Variants in METTL15 observed in about 807,000 individuals in gnomAD.
METTL15 encodes the protein 12S rRNA N(4)-cytidine methyltransferase METTL15.
In METTL15, 34 loss-of-function variants were observed where a neutral mutation model predicts 38.3. The observed-to-expected ratio is 0.89, with a 90% CI of 0.68 to 1.18. The LOEUF (loss-of-function observed/expected upper bound fraction) is 1.18. Ranked by LOEUF, METTL15 falls within the 50% of genes most tolerant of loss-of-function variation. The probability of loss-of-function intolerance (pLI) is 0.00; values close to 1 mark genes in which losing one functional copy is unlikely to be tolerated. For missense variants in METTL15, 438 were observed against 498.4 expected (o/e 0.88, Z 1.15); for synonymous variants, 162 against 170.9 (o/e 0.95, Z 0.41).
intron 4 of METTL15, among the ~76,000 whole-genome samples, chr11:28,265,319 A>G (rs1855369329): frequency 6.6e-6 from 1 of 151,590 alleles, no homozygotes. Flanking sequence ...TAAACTGGTA[A>G]TCTATAGAAT....
chr11:28,489,433 G>A (rs1045715011), intron 6 of METTL15, among the ~76,000 whole-genome samples: 2 of 152,110 alleles, frequency 1.3e-5, no homozygotes, highest in Non-Finnish European at 2.9e-5. Flanking sequence ...ACCTGTTATC[G>A]ACAGGACATG....
At chr11:28,137,800 T>TC (rs768477664) in intron 3 of METTL15, among the ~76,000 whole-genome samples, 25 of 151,838 alleles carry the variant, frequency 1.6e-4, no homozygotes, top group East Asian at 7.8e-4. Context: ...TTTTTTTTTT[T>TC]CAAAAAATAT....
At chr11:28,381,549 A>C (rs988780458) in intron 5 of METTL15, among the ~76,000 whole-genome samples, 12 of 151,634 alleles carry the variant, frequency 7.9e-5, no homozygotes, top group Admixed American at 2.6e-4. Flanking sequence ...CTTCTTTTTC[A>C]TTCTTTTTTC....
At chr11:28,376,799 G>A (rs1019448428) in intron 5 of METTL15, among the ~76,000 whole-genome samples, 164 of 149,426 alleles carry the variant, frequency 1.1e-3, no homozygotes, top group African/African-American at 2.0e-3. Flanking sequence ...GGCTGGTACC[G>A]GTTGTTCCTT....
intron 6 of METTL15, among the ~76,000 whole-genome samples, chr11:28,438,315 T>A (rs927367854): frequency 6.6e-6 from 1 of 152,228 alleles, no homozygotes; most frequent in Admixed American, 6.5e-5. Context: ...GCATATGGGC[T>A]GTTAGAGTCT....
chr11:28,232,282 A>G (rs1853718607), intron 4 of METTL15, among the ~76,000 whole-genome samples: 1 of 151,896 alleles, frequency 6.6e-6, no homozygotes, highest in African/African-American at 2.4e-5. Context: ...TTTACTATGG[A>G]GAAAATAGTT....
intron 3 of METTL15, among the ~76,000 whole-genome samples, chr11:28,348,430 C>G (rs1043849022): frequency 2.6e-5 from 4 of 152,172 alleles, no homozygotes; most frequent in African/African-American, 9.7e-5. Flanking sequence ...TACAGTGGTG[C>G]AATCATGGCT....
chr11:28,506,943 C>G (rs1260493202), intron 6 of METTL15, among the ~76,000 whole-genome samples: 1 of 151,966 alleles, frequency 6.6e-6, no homozygotes, highest in African/African-American at 2.4e-5. Flanking sequence ...TGGGGTTTCA[C>G]TATGTTAGAC....
intron 4 of METTL15, among the ~76,000 whole-genome samples, chr11:28,237,022 G>T (rs1306537841): frequency 1.3e-5 from 2 of 152,140 alleles, no homozygotes; most frequent in South Asian, 4.2e-4. Flanking sequence ...TTTCTCTGTG[G>T]CTGCCCTTAT....
At chr11:28,150,303 C>G (rs2133684545) in intron 3 of METTL15, among the ~76,000 whole-genome samples, 1 of 151,776 alleles carries the variant, frequency 6.6e-6, no homozygotes, top group East Asian at 1.9e-4. Flanking sequence ...TTTCTCTTTT[C>G]TGTTGCCTAT....
intron 6 of METTL15, among the ~76,000 whole-genome samples, chr11:28,439,011 A>G (rs1156897381): frequency 1.5e-5 from 1 of 67,064 alleles, no homozygotes; most frequent in African/African-American, 4.7e-5. Flanking sequence ...TTGTGTGTGT[A>G]TGTGAAGAAT....
chr11:28,269,447 T>C (rs1855558286), intron 4 of METTL15, among the ~76,000 whole-genome samples: 1 of 152,098 alleles, frequency 6.6e-6, no homozygotes, highest in Non-Finnish European at 1.5e-5. Flanking sequence ...TATCAAGCTT[T>C]TTTAAAAGTT....
chr11:28,362,899 A>G (rs1055045178), intron 5 of METTL15, among the ~76,000 whole-genome samples: 1 of 152,142 alleles, frequency 6.6e-6, no homozygotes, highest in Non-Finnish European at 1.5e-5. Context: ...AAATGAACAG[A>G]GGTTCTATTT....
intron 4 of METTL15, among the ~76,000 whole-genome samples, chr11:28,269,472 G>C (rs1488432185): frequency 6.6e-6 from 1 of 151,916 alleles, no homozygotes; most frequent in Non-Finnish European, 1.5e-5. Context: ...CTCAAAAACT[G>C]AGTGTCATAG....
chr11:28,446,412 G>A (rs1401703584), intron 6 of METTL15, among the ~76,000 whole-genome samples: 1 of 152,242 alleles, frequency 6.6e-6, no homozygotes, highest in South Asian at 2.1e-4. Context: ...CTTCCTCAAG[G>A]AGCAGATCTT....
At chr11:28,275,152 A>G (rs1855794243) in intron 4 of METTL15, among the ~76,000 whole-genome samples, 1 of 151,682 alleles carries the variant, frequency 6.6e-6, no homozygotes, top group South Asian at 2.1e-4. Context: ...TAAAGAAACA[A>G]TATAAAGGAT....
chr11:28,443,954 A>G (rs1440564436), intron 6 of METTL15, among the ~76,000 whole-genome samples: 1 of 152,214 alleles, frequency 6.6e-6, no homozygotes, highest in Non-Finnish European at 1.5e-5. Flanking sequence ...AGCTGCAATC[A>G]TTCTTTATAT....
intron 5 of METTL15, among the ~76,000 whole-genome samples, chr11:28,417,136 A>G (rs1488456104): frequency 6.6e-6 from 1 of 152,140 alleles, no homozygotes; most frequent in Non-Finnish European, 1.5e-5. Context: ...TTGATTTTTT[A>G]TATCTTCCAT....
At chr11:28,470,619 T>G (rs1453470422) in intron 6 of METTL15, among the ~76,000 whole-genome samples, 1 of 152,128 alleles carries the variant, frequency 6.6e-6, no homozygotes. Flanking sequence ...GGAAGAGAAG[T>G]GCTGTCTTCC....
Sources: allele counts gnomAD v4.1 joint callset (sites outside exome capture counted in the v4.1 genomes callset), GRCh38; gene constraint gnomAD v4.1.1; transcripts MANE v1.5; gene names NCBI Gene and HGNC (gene_info 2026-07-23, HGNC 2026-07-21).